KHDRBS3: variants seen among roughly 807,000 people sequenced by gnomAD.
KHDRBS3 encodes the protein KH domain-containing, RNA-binding, signal transduction-associated protein 3.
Under a neutral mutation model 45.6 loss-of-function variants are expected in KHDRBS3, and 23 were observed. The ratio of observed to expected loss-of-function variants is 0.50; its 90% CI spans 0.36 to 0.72. The LOEUF (loss-of-function observed/expected upper bound fraction) is 0.72, where lower values mean the gene tolerates loss of function less well. KHDRBS3 is among the 30% of genes least tolerant of loss of function. The pLI is 0.00. For missense variants in KHDRBS3, 352 were observed against 424.8 expected, an observed-to-expected ratio of 0.83 and a Z score of 1.51; for synonymous variants, 162 against 156.5, an observed-to-expected ratio of 1.04 and a Z score of -0.26.
intron 1 of KHDRBS3, among the ~76,000 whole-genome samples, chr8:135,482,376 G>A (rs1822625384): frequency 1.4e-4 from 1 of 7,366 alleles, no homozygotes; most frequent in African/African-American, 2.4e-3. Flanking sequence ...CCTGGGAAAT[G>A]GTAAATGGTA....
At chr8:135,616,420 G>A (rs1208676138) in intron 7 of KHDRBS3, among the ~76,000 whole-genome samples, 1 of 152,130 alleles carries the variant, frequency 6.6e-6, no homozygotes, top group East Asian at 1.9e-4. Context: ...ACGGTAGTGG[G>A]GCAAAGGCAA....
chr8:135,652,942 T>G (rs929482005), intron 4 of KHDRBS3, among the ~76,000 whole-genome samples: 4 of 152,178 alleles, frequency 2.6e-5, no homozygotes, highest in Non-Finnish European at 4.4e-5. Flanking sequence ...TACAGGACAA[T>G]GTACTAGGTC....
intron 2 of KHDRBS3, among the ~76,000 whole-genome samples, chr8:135,537,706 A>G (rs527565387): frequency 1.2e-4 from 19 of 152,190 alleles, no homozygotes; most frequent in Non-Finnish European, 7.3e-5. Context: ...AGATACAATA[A>G]TTGACATCTG....
At chr8:135,600,215 T>A (rs967399915) in intron 6 of KHDRBS3, among the ~76,000 whole-genome samples, 3 of 152,028 alleles carry the variant, frequency 2.0e-5, no homozygotes, top group Admixed American at 2.0e-4. Flanking sequence ...GAGTGCAGAG[T>A]GGAGATTTTA....
At chr8:135,578,484 T>C (rs970129561) in intron 5 of KHDRBS3, among the ~76,000 whole-genome samples, 3 of 152,310 alleles carry the variant, frequency 2.0e-5, no homozygotes, top group African/African-American at 7.2e-5. Flanking sequence ...AAAAAAACAT[T>C]ATTTTCCATT....
At chr8:135,511,030 C>G (rs1824256583) in intron 1 of KHDRBS3, among the ~76,000 whole-genome samples, 2 of 152,174 alleles carry the variant, frequency 1.3e-5, no homozygotes, top group South Asian at 4.1e-4. Context: ...TCTTTTGATA[C>G]TTGTAATAAC....
intron 1 of KHDRBS3, chr8:135,458,550 G>C (rs1201183054): frequency 3.4e-6 from 1 of 296,988 alleles, no homozygotes; most frequent in East Asian, 9.2e-5. Flanking sequence ...TGTCTCTCCT[G>C]TGTCCAGGCT....
chr8:135,547,494 G>C (rs576020671), intron 3 of KHDRBS3, among the ~76,000 whole-genome samples: 129 of 152,276 alleles, frequency 8.5e-4, no homozygotes, highest in African/African-American at 2.5e-3. Flanking sequence ...CACATGGCTA[G>C]TGACTGGCAT....
intron 1 of KHDRBS3, among the ~76,000 whole-genome samples, chr8:135,459,541 T>C (rs1821319405): frequency 6.6e-6 from 1 of 152,226 alleles, no homozygotes; most frequent in South Asian, 2.1e-4. Flanking sequence ...CCTGCTGGGC[T>C]GTCATCTCTG....
intron 7 of KHDRBS3, among the ~76,000 whole-genome samples, chr8:135,631,389 T>C (rs1180589032): frequency 5.3e-5 from 8 of 152,138 alleles, no homozygotes; most frequent in African/African-American, 1.9e-4. Flanking sequence ...CACAAACATA[T>C]TGTACAACTA....
chr8:135,635,338 C>CT (rs1830765908), intron 7 of KHDRBS3, among the ~76,000 whole-genome samples: 1 of 152,194 alleles, frequency 6.6e-6, no homozygotes, highest in Admixed American at 6.5e-5. Context: ...CGATATTCTT[C>CT]TTTGATACGA....
At chr8:135,519,052 A>G (rs1360035881) in intron 1 of KHDRBS3, among the ~76,000 whole-genome samples, 1 of 152,234 alleles carries the variant, frequency 6.6e-6, no homozygotes, top group Non-Finnish European at 1.5e-5. Context: ...GTGTAGTACA[A>G]GAAAGCAGAC....
At chr8:135,591,022 T>A (rs534141265) in intron 6 of KHDRBS3, among the ~76,000 whole-genome samples, 2 of 152,360 alleles carry the variant, frequency 1.3e-5, no homozygotes, top group East Asian at 3.9e-4. Context: ...TCAGCAGATA[T>A]TTTTTATTCT....
chr8:135,624,123 C>T (rs1586821652), intron 7 of KHDRBS3, among the ~76,000 whole-genome samples: 1 of 152,196 alleles, frequency 6.6e-6, no homozygotes, highest in East Asian at 1.9e-4. Flanking sequence ...CAGCAGATAC[C>T]GAAAATACCC....
intron 7 of KHDRBS3, among the ~76,000 whole-genome samples, chr8:135,632,508 T>C (rs1341751222): frequency 1.3e-5 from 2 of 152,108 alleles, no homozygotes; most frequent in African/African-American, 2.4e-5. Context: ...AGGTCAGACC[T>C]GTCTCCTGAC....
intron 7 of KHDRBS3, among the ~76,000 whole-genome samples, chr8:135,614,026 A>G (rs1480073274): frequency 6.6e-6 from 1 of 151,902 alleles, no homozygotes; most frequent in African/African-American, 2.4e-5. Flanking sequence ...AAAATTCAGT[A>G]TAGTTCAGGT....
At chr8:135,598,883 A>T (rs1343208523) in intron 6 of KHDRBS3, among the ~76,000 whole-genome samples, 1 of 152,236 alleles carries the variant, frequency 6.6e-6, no homozygotes, top group African/African-American at 2.4e-5. Context: ...AATTAAAGTT[A>T]GATGTCAGAT....
chr8:135,580,155 G>C (rs377071908), intron 5 of KHDRBS3, among the ~76,000 whole-genome samples: 3 of 152,204 alleles, frequency 2.0e-5, no homozygotes, highest in Admixed American at 2.0e-4. Context: ...TCAAGAATAG[G>C]CTGGGGACAG....
rs11997980 is a variant in KHDRBS3, at chr8:135,479,729, C to T, written c.88+21775C>T. Among the ~76,000 whole-genome samples, 737 of 152,290 alleles carry T rather than the reference C, an allele frequency of 4.8e-3. 7 individuals are homozygous for T. Among genetic ancestry groups the T allele is most frequent in the African/African-American group, 0.017 (722 of 41,558 alleles). ...TCTGAAAGACCCTACCTCTTTATAC[C>T]ATCACCTTGCAAGTCAAGTTTCAAC... On this transcript the variant is annotated intron_variant, in intron 1 of 8. Coordinates refer to ENST00000355849, the MANE Select transcript of KHDRBS3 (RefSeq NM_006558.3).
Sources: gnomAD v4.1 joint callset for allele counts (sites outside exome capture counted in the v4.1 genomes callset) on GRCh38, gnomAD v4.1.1 for gene constraint, MANE v1.5 for transcripts, NCBI Gene and HGNC (gene_info 2026-07-23, HGNC 2026-07-21) for gene names.